NALF1: variants seen among roughly 807,000 people sequenced by gnomAD.
NALF1 encodes the protein NALCN channel auxiliary factor 1, also known as family with sequence similarity 155 member A.
NALF1 carries 3 observed loss-of-function variants against 48.4 expected under a neutral mutation model. That is an observed-to-expected ratio of 0.06 (90% CI 0.03 to 0.16). The LOEUF is 0.16. Among genes scored for constraint, NALF1 ranks in the 10% least tolerant of loss-of-function variants. NALF1 has a pLI of 1.00. For missense variants in NALF1, 526 were observed against 571.5 expected, an observed-to-expected ratio of 0.92 and a Z score of 0.81; for synonymous variants, 262 against 245.7, an observed-to-expected ratio of 1.07 and a Z score of -0.62.
At chr13:107,447,186 C>A (rs887657721) in intron 1 of NALF1, among the ~76,000 whole-genome samples, 4 of 152,054 alleles carry the variant, frequency 2.6e-5, no homozygotes, top group African/African-American at 7.2e-5. Context: ...TCCTCCTCGT[C>A]CTCCTTCTCT....
chr13:107,191,822 C>A lies in NALF1; in HGVS notation c.1087+18762G>T, dbSNP rs574592477. Among the ~76,000 whole-genome samples the A allele has an allele frequency of 3.2e-4, 48 of 148,978 alleles. 1 individual carries two copies. The East Asian group carries it at 9.5e-3, about 30-fold the overall frequency. On this transcript the variant is annotated intron_variant, in intron 2 of 2. Transcript: ENST00000375915. ...GAGTAGCTGGGATTACAGGCTTGTG[C>A]CACTATGCCTATTTTTTTTTTTTTT... is the stretch of plus-strand genomic sequence containing the variant.
Position 107,415,998 on chromosome 13 carries a change from T to G in NALF1, c.916-205243A>C, listed in dbSNP as rs549646748. ...AGGTTTGAACTACAGACCACTTATA[T>G]GCAGATTTTTTTTTCTTTTTTTTTT... is the stretch of plus-strand genomic sequence containing the variant. On this transcript the variant is annotated intron_variant, in intron 1 of 2. Transcript: ENST00000375915. 2.4e-4 allele frequency among the ~76,000 whole-genome samples: 35 copies of G among 148,668 alleles called. No individual in the cohort carries two copies. The South Asian group carries it at 7.4e-3, about 32-fold the overall frequency.
At chr13:107,289,343 C>T (rs953719678) in intron 1 of NALF1, among the ~76,000 whole-genome samples, 6 of 152,172 alleles carry the variant, frequency 3.9e-5, no homozygotes, top group African/African-American at 7.2e-5. Context: ...CAAAGTTTGT[C>T]CTGAACACTG....
intron 1 of NALF1, among the ~76,000 whole-genome samples, chr13:107,271,797 T>TAG: frequency 7.4e-6 from 1 of 134,384 alleles, no homozygotes; most frequent in Admixed American, 7.6e-5. Context: ...TATATATATA[T>TAG]ATATATATAT....
chr13:107,423,569 C>G (rs939149200), intron 1 of NALF1, among the ~76,000 whole-genome samples: 1 of 152,042 alleles, frequency 6.6e-6, no homozygotes, highest in Admixed American at 6.6e-5. Context: ...AAAAAAAACT[C>G]GGGTTTCTGA....
At chr13:107,659,715 C>T (rs922040141) in intron 1 of NALF1, among the ~76,000 whole-genome samples, 1 of 151,892 alleles carries the variant, frequency 6.6e-6, no homozygotes, top group Non-Finnish European at 1.5e-5. Context: ...GATTTGGCCG[C>T]CACTGAATTC....
chr13:107,323,961 T>G (rs1882303369), intron 1 of NALF1, among the ~76,000 whole-genome samples: 1 of 151,988 alleles, frequency 6.6e-6, no homozygotes, highest in Non-Finnish European at 1.5e-5. Flanking sequence ...AATTGAAAAA[T>G]TAGCCGGCAT....
intron 1 of NALF1, among the ~76,000 whole-genome samples, chr13:107,220,812 G>C (rs750605823): frequency 7.9e-5 from 12 of 152,044 alleles, no homozygotes; most frequent in Non-Finnish European, 1.6e-4. Context: ...GTGAGGGAGT[G>C]AGATGGGCAT....
At chr13:107,622,157 G>A (rs72654937) in intron 1 of NALF1, among the ~76,000 whole-genome samples, 34,984 of 151,670 alleles carry the variant, frequency 0.23, 4,889 homozygotes, top group East Asian at 0.48. Flanking sequence ...GGCTGGGTAC[G>A]GTGGCTCATG....
intron 1 of NALF1, among the ~76,000 whole-genome samples, chr13:107,455,545 C>A (rs556583708): frequency 6.6e-6 from 1 of 152,142 alleles, no homozygotes; most frequent in African/African-American, 2.4e-5. Flanking sequence ...ACATCATCAT[C>A]ACCCAGAGTT....
chr13:107,591,891 G>C (rs560438040), intron 1 of NALF1, among the ~76,000 whole-genome samples: 2 of 152,012 alleles, frequency 1.3e-5, no homozygotes, highest in Admixed American at 1.3e-4. Context: ...GATGGAGACC[G>C]TATGATCCTT....
chr13:107,468,002 C>G (rs139963964), intron 1 of NALF1, among the ~76,000 whole-genome samples: 12 of 150,006 alleles, frequency 8.0e-5, no homozygotes, highest in Admixed American at 8.0e-4. Context: ...GAACTGAGAT[C>G]GCGCCACTGC....
intron 1 of NALF1, among the ~76,000 whole-genome samples, chr13:107,318,289 C>A (rs1490648602): frequency 6.6e-6 from 1 of 152,002 alleles, no homozygotes; most frequent in African/African-American, 2.4e-5. Context: ...TGCACAATTC[C>A]GGCTTTAAAT....
intron 1 of NALF1, among the ~76,000 whole-genome samples, chr13:107,616,384 T>C (rs1879380952): frequency 6.6e-6 from 1 of 152,174 alleles, no homozygotes; most frequent in African/African-American, 2.4e-5. Context: ...TCCAAGGACA[T>C]TTGCCACTTT....
chr13:107,773,378 G>T (rs1163981147), intron 1 of NALF1, among the ~76,000 whole-genome samples: 1 of 152,078 alleles, frequency 6.6e-6, no homozygotes, highest in African/African-American at 2.4e-5. Flanking sequence ...GTGCAGAAAA[G>T]ACTAATGTCT....
At chr13:107,366,114 A>G (rs573398288) in intron 1 of NALF1, among the ~76,000 whole-genome samples, 2 of 152,346 alleles carry the variant, frequency 1.3e-5, no homozygotes, top group Non-Finnish European at 2.9e-5. Flanking sequence ...GAAACAATAA[A>G]GTCATTCTTA....
chr13:107,797,909 A>G (rs1279966402), intron 1 of NALF1, among the ~76,000 whole-genome samples: 1 of 152,196 alleles, frequency 6.6e-6, no homozygotes, highest in Non-Finnish European at 1.5e-5. Context: ...AATGAAATGC[A>G]TTTTAATATA....
At chr13:107,197,053 T>A (rs1409613487) in intron 2 of NALF1, among the ~76,000 whole-genome samples, 2 of 152,154 alleles carry the variant, frequency 1.3e-5, no homozygotes, top group Non-Finnish European at 2.9e-5. Flanking sequence ...TGGGGCCCGC[T>A]GGTAGAACCT....
At chr13:107,573,283 T>A (rs1878041647) in intron 1 of NALF1, among the ~76,000 whole-genome samples, 2 of 152,180 alleles carry the variant, frequency 1.3e-5, no homozygotes, top group African/African-American at 2.4e-5. Context: ...CTAATTTTTT[T>A]ATCTTGTACA....
Sources: allele counts gnomAD v4.1 joint callset (sites outside exome capture counted in the v4.1 genomes callset), GRCh38; gene constraint gnomAD v4.1.1; transcripts MANE v1.5; gene names NCBI Gene and HGNC (gene_info 2026-07-23, HGNC 2026-07-21).